The following TRPM3 variants were observed in gnomAD, a reference collection of about 807,000 sequenced individuals.
TRPM3 encodes the protein long transient receptor potential channel 3.
A neutral mutation model predicts 181.2 loss-of-function variants in TRPM3; 77 were observed. The observed-to-expected ratio is 0.42, with a 90% CI of 0.35 to 0.51. The LOEUF (loss-of-function observed/expected upper bound fraction) is 0.51, where lower values mean the gene tolerates loss of function less well. TRPM3 is among the 20% of genes least tolerant of loss of function. TRPM3 has a pLI of 0.01. For synonymous variants in TRPM3, 745 were observed against 796.4 expected, an observed-to-expected ratio of 0.94 and a Z score of 1.09; for missense variants, 1,759 against 2,196.7, an observed-to-expected ratio of 0.80 and a Z score of 3.98.
At chr9:71,183,718 CT>C (rs1422952339) in intron 1 of TRPM3, among the ~76,000 whole-genome samples, 1 of 152,056 alleles carries the variant, frequency 6.6e-6, no homozygotes, top group African/African-American at 2.4e-5. Flanking sequence ...AATAAAACTG[CT>C]CTCTGAACAT....
intron 1 of TRPM3, among the ~76,000 whole-genome samples, chr9:71,151,093 AGTGT>A (rs746619147): frequency 5.3e-5 from 8 of 152,298 alleles, no homozygotes; most frequent in African/African-American, 1.9e-4. Flanking sequence ...AATGAATAGG[AGTGT>A]GTGTGTGCGC....
chr9:70,662,775 C>T (rs557902179), intron 9 of TRPM3, among the ~76,000 whole-genome samples: 1 of 152,136 alleles, frequency 6.6e-6, no homozygotes, highest in African/African-American at 2.4e-5. Context: ...AAAGGAAACA[C>T]TTTTACACTG....
chr9:71,030,739 T>A (rs2134660088), intron 1 of TRPM3, among the ~76,000 whole-genome samples: 1 of 152,282 alleles, frequency 6.6e-6, no homozygotes, highest in South Asian at 2.1e-4. Flanking sequence ...AATGTATTAA[T>A]CTGTAAAAGC....
intron 1 of TRPM3, among the ~76,000 whole-genome samples, chr9:71,368,248 C>G (rs1376370120): frequency 1.3e-5 from 2 of 152,124 alleles, no homozygotes; most frequent in Non-Finnish European, 2.9e-5. Context: ...ATTTGACCAT[C>G]TGATTACTTG....
intron 1 of TRPM3, among the ~76,000 whole-genome samples, chr9:71,293,887 G>C (rs1452498520): frequency 6.6e-6 from 1 of 151,910 alleles, no homozygotes; most frequent in South Asian, 2.1e-4. Flanking sequence ...TGCATACGTA[G>C]AGACTCCATA....
intron 1 of TRPM3, among the ~76,000 whole-genome samples, chr9:70,960,123 C>CTTT (rs56670058): frequency 1.4e-5 from 2 of 141,794 alleles, no homozygotes; most frequent in Non-Finnish European, 1.6e-5. Flanking sequence ...AACTCTCGTT[C>CTTT]TTTTTTTTTT....
chr9:70,995,607 T>G (rs116788107), intron 1 of TRPM3, among the ~76,000 whole-genome samples: 128 of 152,242 alleles, frequency 8.4e-4, no homozygotes, highest in African/African-American at 2.9e-3. Flanking sequence ...CACAATCTAG[T>G]AAAGAAGAGT....
At chr9:70,879,343 T>A (rs2095938012) in intron 1 of TRPM3, among the ~76,000 whole-genome samples, 1 of 152,118 alleles carries the variant, frequency 6.6e-6, no homozygotes, top group South Asian at 2.1e-4. Flanking sequence ...ATTAAATTTG[T>A]GTCCTTTCTT....
intron 18 of TRPM3, among the ~76,000 whole-genome samples, chr9:70,611,765 G>T (rs192632391): frequency 3.3e-5 from 5 of 152,288 alleles, no homozygotes. Context: ...CTGCAACTAC[G>T]TGGGACTAGG....
intron 1 of TRPM3, among the ~76,000 whole-genome samples, chr9:70,897,093 A>T (rs1025059954): frequency 1.1e-4 from 16 of 145,858 alleles, no homozygotes; most frequent in East Asian, 2.0e-4. Flanking sequence ...TTGTGTTGAG[A>T]ACATTCCAGA....
intron 1 of TRPM3, among the ~76,000 whole-genome samples, chr9:70,954,141 G>A (rs1397211860): frequency 1.3e-5 from 2 of 152,102 alleles, no homozygotes; most frequent in East Asian, 1.9e-4. Flanking sequence ...AGAGAAGGAG[G>A]GAGAATCAGC....
chr9:71,114,936 A>G (rs1053185983), intron 1 of TRPM3, among the ~76,000 whole-genome samples: 1 of 152,230 alleles, frequency 6.6e-6, no homozygotes, highest in Non-Finnish European at 1.5e-5. Flanking sequence ...TTCATGAAAA[A>G]AATACAGAGA....
chr9:71,383,776 T>C (rs1213008520), intron 1 of TRPM3, among the ~76,000 whole-genome samples: 1 of 152,228 alleles, frequency 6.6e-6, no homozygotes, highest in Non-Finnish European at 1.5e-5. Flanking sequence ...CATCTGCCCA[T>C]GAAACAAAAA....
intron 9 of TRPM3, among the ~76,000 whole-genome samples, chr9:70,643,242 A>T (rs981769125): frequency 1.3e-5 from 2 of 152,202 alleles, no homozygotes; most frequent in African/African-American, 4.8e-5. Context: ...GTGAAGGCTC[A>T]TTGCGATTGC....
intron 3 of TRPM3, among the ~76,000 whole-genome samples, chr9:70,858,889 G>A (rs1399932725): frequency 1.3e-5 from 2 of 152,164 alleles, no homozygotes; most frequent in Non-Finnish European, 2.9e-5. Flanking sequence ...GTTCACAGGT[G>A]GTCCCTGGTC....
chr9:70,785,056 C>T (rs900277200), intron 6 of TRPM3, among the ~76,000 whole-genome samples: 3 of 152,112 alleles, frequency 2.0e-5, no homozygotes, highest in Admixed American at 6.6e-5. Context: ...TTCTTAACAG[C>T]ATGATTGTCA....
chr9:71,208,269 G>A lies in TRPM3; in HGVS notation c.183+238384C>T, dbSNP rs777284368. 3.9e-5 allele frequency among the ~76,000 whole-genome samples: 6 copies of A among 152,012 alleles called. No individual in the cohort carries two copies. In the East Asian group the frequency reaches 7.7e-4, roughly 20 times the overall value. On this transcript the variant is annotated intron_variant, in intron 1 of 24. Coordinates refer to the TRPM3 transcript ENST00000357533. ...TGATTACTAAATAATAGTGTAAAAC[G>A]GTATGTCTAGAGTAAAGGGAACAGC...
chr9:71,381,493 G>T (rs889778550), intron 1 of TRPM3, among the ~76,000 whole-genome samples: 1 of 152,092 alleles, frequency 6.6e-6, no homozygotes, highest in African/African-American at 2.4e-5. Flanking sequence ...TGGAATTCTA[G>T]GCAATTGCCA....
chr9:70,949,590 G>T lies in TRPM3; in HGVS notation c.178-85079C>A, dbSNP rs566952632. Among the ~76,000 whole-genome samples the T allele has an allele frequency of 3.3e-5, 5 of 151,584 alleles. No individual in the cohort carries two copies. In the East Asian group the frequency reaches 9.8e-4, roughly 30 times the overall value. ...GGGGTCTTGGTCTGTCGACCAGGCT[G>T]GTACAATCATAACTCGTCATTTGCC... On this transcript the variant is annotated intron_variant, in intron 1 of 25. Coordinates refer to ENST00000677713, the MANE Select transcript of TRPM3 (RefSeq NM_001366145.2).
Sources: gnomAD v4.1 joint callset for allele counts (sites outside exome capture counted in the v4.1 genomes callset) on GRCh38, gnomAD v4.1.1 for gene constraint, MANE v1.5 for transcripts, NCBI Gene and HGNC (gene_info 2026-07-23, HGNC 2026-07-21) for gene names.